The following CEP170 variants were observed in gnomAD, a reference collection of about 807,000 sequenced individuals.
CEP170 encodes the protein centrosomal protein of 170 kDa.
In CEP170, 21 loss-of-function variants were observed where a neutral mutation model predicts 151.9. The ratio of observed to expected loss-of-function variants is 0.14; its 90% CI spans 0.10 to 0.20. The LOEUF (loss-of-function observed/expected upper bound fraction) is 0.20, where lower values mean the gene tolerates loss of function less well. CEP170 is among the 10% of genes least tolerant of loss of function. The pLI, the probability that CEP170 is intolerant of heterozygous loss-of-function variation, is 1.00. For missense variants in CEP170, 964 were observed against 1,892.9 expected, an observed-to-expected ratio of 0.51 and a Z score of 9.11; for synonymous variants, 356 against 648.8, an observed-to-expected ratio of 0.55 and a Z score of 6.86.
intron 14 of CEP170, among the ~76,000 whole-genome samples, chr1:243,143,800 C>G (rs1239209254): frequency 1.3e-5 from 2 of 151,240 alleles, no homozygotes; most frequent in African/African-American, 4.9e-5. Context: ...CTCCTGAGTT[C>G]AAGCAATCCT....
chr1:243,177,852 C>A (rs1300960409), intron 10 of CEP170, among the ~76,000 whole-genome samples: 1 of 152,052 alleles, frequency 6.6e-6, no homozygotes, highest in Admixed American at 6.6e-5. Context: ...ATTAGAAGAG[C>A]ACAGAAAGGG....
intron 9 of CEP170, 29 bp downstream of exon 9, chr1:243,186,230 A>T (rs1479664791): frequency 1.2e-6 from 2 of 1,613,608 alleles, no homozygotes; most frequent in Admixed American, 3.3e-5. Flanking sequence ...TTCATCAAAG[A>T]ATGCAATCAT....
intron 15 of CEP170, chr1:243,140,521 A>C: frequency 6.5e-6 from 1 of 153,320 alleles, no homozygotes; most frequent in African/African-American, 2.4e-5. Flanking sequence ...TCCTCCCCAA[A>C]TCCAGGTGTC....
At chr1:243,253,102 C>T (rs970508746) in intron 1 of CEP170, 6 of 152,072 alleles carry the variant, frequency 3.9e-5, no homozygotes, top group Admixed American at 2.6e-4. Flanking sequence ...TAAAACCTAC[C>T]GTTAAGTAGC....
intron 1 of CEP170, among the ~76,000 whole-genome samples, chr1:243,235,644 A>G (rs2149092312): frequency 6.6e-6 from 1 of 152,248 alleles, no homozygotes; most frequent in South Asian, 2.1e-4. Context: ...AAGAAAAAAT[A>G]TAAGCTGCAA....
chr1:243,193,951 C>T (rs1338621708), intron 7 of CEP170, among the ~76,000 whole-genome samples: 1 of 151,980 alleles, frequency 6.6e-6, no homozygotes, highest in Non-Finnish European at 1.5e-5. Context: ...ATGCTTCTCC[C>T]TCCACCTTCA....
intron 10 of CEP170, among the ~76,000 whole-genome samples, chr1:243,174,623 G>A (rs1360726865): frequency 6.6e-6 from 1 of 152,080 alleles, no homozygotes; most frequent in Non-Finnish European, 1.5e-5. Flanking sequence ...CAAGAATTAT[G>A]ATTTAATATT....
chr1:243,221,259 G>A (rs1016511075), intron 3 of CEP170, among the ~76,000 whole-genome samples: 1 of 152,160 alleles, frequency 6.6e-6, no homozygotes, highest in Non-Finnish European at 1.5e-5. Context: ...TCCTGACCTC[G>A]TGATCCGCCC....
intron 1 of CEP170, among the ~76,000 whole-genome samples, chr1:243,243,200 G>A (rs2065029835): frequency 6.6e-6 from 1 of 152,090 alleles, no homozygotes; most frequent in Non-Finnish European, 1.5e-5. Flanking sequence ...CTCCAGCCTG[G>A]GCGACAGAGT....
At chr1:243,171,169 T>C (rs1293216813) in intron 11 of CEP170, among the ~76,000 whole-genome samples, 1 of 152,242 alleles carries the variant, frequency 6.6e-6, no homozygotes, top group Non-Finnish European at 1.5e-5. Flanking sequence ...TTACTCAGAA[T>C]GGCATCATAT....
At chr1:243,224,045 TA>T (rs1312035262) in intron 2 of CEP170, among the ~76,000 whole-genome samples, 2 of 152,178 alleles carry the variant, frequency 1.3e-5, no homozygotes, top group Non-Finnish European at 2.9e-5. Flanking sequence ...ACTTAAGCAT[TA>T]AACTGTTTTC....
At chr1:243,253,042 G>C (rs79778926) in intron 1 of CEP170, 56 of 152,226 alleles carry the variant, frequency 3.7e-4, no homozygotes, top group African/African-American at 1.3e-3. Context: ...AGCCTATAGA[G>C]TTGATCATCA....
intron 16 of CEP170, among the ~76,000 whole-genome samples, chr1:243,136,582 T>TA (rs1325570166): frequency 6.6e-6 from 1 of 152,250 alleles, no homozygotes; most frequent in African/African-American, 2.4e-5. Context: ...ACAAATAACT[T>TA]AGAGTACTAA....
intron 10 of CEP170, among the ~76,000 whole-genome samples, chr1:243,174,002 C>T (rs1420513748): frequency 6.6e-6 from 1 of 152,178 alleles, no homozygotes; most frequent in East Asian, 1.9e-4. Context: ...TAGCATAATT[C>T]TCAAACTGTA....
At chr1:243,244,595 A>AT (rs1484000864) in intron 1 of CEP170, among the ~76,000 whole-genome samples, 4 of 152,068 alleles carry the variant, frequency 2.6e-5, no homozygotes, top group African/African-American at 9.7e-5. Flanking sequence ...ACACGAAAAA[A>AT]TTAACTGGGC....
chr1:243,208,837 G>C (rs1478766201), intron 4 of CEP170, among the ~76,000 whole-genome samples: 1 of 152,154 alleles, frequency 6.6e-6, no homozygotes, highest in African/African-American at 2.4e-5. Context: ...GGAGAACAGT[G>C]ATTATGATCT....
Position 243,233,119 on chromosome 1 carries a change from C to T in CEP170, c.-41-7798G>A, listed in dbSNP as rs2063905557. ...TTTCTTATTCTTTATCTTTTTGTCA[C>T]ATAAAGCTGTTTTCACTAGCAATCT... On this transcript the variant is annotated intron_variant, in intron 1 of 19. Coordinates refer to ENST00000366542, the MANE Select transcript of CEP170 (RefSeq NM_014812.3). Among the ~76,000 whole-genome samples the T allele has an allele frequency of 3.9e-5, 6 of 152,170 alleles. 1 individual carries two copies. In the South Asian group the frequency reaches 1.2e-3, roughly 32 times the overall value.
chr1:243,139,963 T>C lies in CEP170; in HGVS notation c.4204A>G (p.Arg1402Gly). 6.2e-7 allele frequency: 1 copy of C among 1,612,776 alleles called. No homozygotes were observed. Among genetic ancestry groups the C allele is most frequent in the Non-Finnish European group, 8.5e-7 (1 of 1,179,042 alleles). Residue 1402 changes from arginine (R) to glycine (G), a missense_variant, in exon 16 of 20, where the codon AGG (arginine) becomes GGG (glycine). Transcript: ENST00000366542. ...AEPPDHLTIT[R>G]RRTWSRDEVM... ...TCATCCCTGCTCCAGGTTCTCCGCC[T>C]TGTAATTGTTAAGTGATCGGGAGGC...
rs1382490408 is a variant in CEP170 at position 243,165,263 on chromosome 1, T to G, written c.2697A>C (p.Ala899=). 11 of 1,500,582 alleles carry G rather than the reference T, an allele frequency of 7.3e-6. No homozygotes were observed. The highest frequency in any genetic ancestry group is 2.7e-5 in the South Asian group (2 of 72,848). 93.0% of individuals were successfully genotyped at this position (1,500,582 alleles called of 1,614,324 possible). ...DTTLILKDTE[A]VMAFLEAKLR... is the part of the protein sequence containing the mutation. ...GTTTAGCTTCTAGAAAAGCCATTACTGCTTCTGTGTCTTTTAGAATAAGGG... is the reference window on the plus strand; with the variant it reads ...GTTTAGCTTCTAGAAAAGCCATTACGGCTTCTGTGTCTTTTAGAATAAGGG... Residue 899 remains alanine (A), a synonymous_variant, in exon 13 of 20, where the codon GCA becomes GCC. Coordinates refer to ENST00000366542, the MANE Select transcript of CEP170 (RefSeq NM_014812.3).
Sources: allele counts gnomAD v4.1 joint callset (sites outside exome capture counted in the v4.1 genomes callset), GRCh38; gene constraint gnomAD v4.1.1; transcripts MANE v1.5; gene names NCBI Gene and HGNC (gene_info 2026-07-23, HGNC 2026-07-21).